The following KLF7 variants were observed in gnomAD, a reference collection of about 807,000 sequenced individuals.
KLF7 encodes the protein Krueppel-like factor 7.
Under a neutral mutation model 27.3 loss-of-function variants are expected in KLF7, and 2 were observed. That is an observed-to-expected ratio of 0.07 (90% CI 0.03 to 0.23). The LOEUF (loss-of-function observed/expected upper bound fraction) is 0.23, where lower values mean the gene tolerates loss of function less well. Ranked by LOEUF, KLF7 falls within the 10% of genes least tolerant of loss-of-function variation. The pLI is 1.00. For synonymous variants in KLF7, 165 were observed against 162.4 expected, an observed-to-expected ratio of 1.02 and a Z score of -0.12; for missense variants, 221 against 394.1, an observed-to-expected ratio of 0.56 and a Z score of 3.72.
rs557692408 is a variant in KLF7, at chr2:207,155,662, G to C, written c.102+9805C>G. Reference sequence around the variant, plus strand: ...GGAGGAGAATGTACAAATTAGGGCTGAACAATCTTGGAAGAAATGAAGTCG... The same window carrying C: ...GGAGGAGAATGTACAAATTAGGGCTCAACAATCTTGGAAGAAATGAAGTCG... On this transcript the variant is annotated intron_variant, in intron 1 of 3. Transcript: ENST00000309446. 2.0e-5 allele frequency among the ~76,000 whole-genome samples: 3 copies of C among 152,296 alleles called. No individual in the cohort carries two copies. The South Asian group carries it at 6.2e-4, about 32-fold the overall frequency.
chr2:207,117,433 C>T (rs1157306129), intron 2 of KLF7, among the ~76,000 whole-genome samples: 1 of 152,208 alleles, frequency 6.6e-6, no homozygotes, highest in Non-Finnish European at 1.5e-5. Flanking sequence ...TCCTATTCAG[C>T]TCTCTCCACC....
intron 2 of KLF7, among the ~76,000 whole-genome samples, chr2:207,113,470 T>C (rs1328913101): frequency 6.6e-6 from 1 of 152,078 alleles, no homozygotes; most frequent in African/African-American, 2.4e-5. Context: ...CATATCTTCC[T>C]CTCCCTTTTC....
intron 1 of KLF7, among the ~76,000 whole-genome samples, chr2:207,129,457 T>C (rs2077567086): frequency 1.3e-5 from 2 of 152,214 alleles, no homozygotes; most frequent in African/African-American, 4.8e-5. Flanking sequence ...TCTATATTGA[T>C]GAGTCACAGA....
intron 1 of KLF7, among the ~76,000 whole-genome samples, chr2:207,125,383 T>A (rs1032387697): frequency 1.3e-5 from 2 of 152,210 alleles, no homozygotes; most frequent in Non-Finnish European, 2.9e-5. Context: ...GAATCTTGTA[T>A]AAAACTATGT....
chr2:207,075,089 T>C lies in KLF7; in HGVS notation c.*6124A>G, dbSNP rs1259262521. On this transcript the variant is annotated 3_prime_UTR_variant, in exon 4 of 4. Coordinates refer to ENST00000309446, the MANE Select transcript of KLF7 (RefSeq NM_003709.4). ...GCTAAGGAGAAATACAGTAAAGTAT[T>C]CCAAGGCCAAACACATTCTACTGTT... The C allele has an allele frequency of 6.6e-6, 1 of 152,192 alleles. No individual in the cohort carries two copies. Among genetic ancestry groups the C allele is most frequent in the African/African-American group, 2.4e-5 (1 of 41,452 alleles). The allele number at this position is 152,192 out of a possible 1,614,324, so 9.4% of individuals were successfully genotyped here.
At chr2:207,166,785 G>T (rs2106164293), upstream of KLF7, 1 of 994,532 alleles carries the variant, frequency 1.0e-6, no homozygotes, top group African/African-American at 1.7e-5. Context: ...GGCATCCAGG[G>T]CCCCTTCCCG....
intron 1 of KLF7, among the ~76,000 whole-genome samples, chr2:207,139,774 CTTGG>C (rs1368690490): frequency 1.3e-5 from 2 of 152,190 alleles, no homozygotes; most frequent in Non-Finnish European, 2.9e-5. Flanking sequence ...CATTGCAAGT[CTTGG>C]TTGAATTGTT....
At chr2:207,140,323 C>G (rs2077905546) in intron 1 of KLF7, among the ~76,000 whole-genome samples, 1 of 152,066 alleles carries the variant, frequency 6.6e-6, no homozygotes, top group Non-Finnish European at 1.5e-5. Flanking sequence ...AACCTGCTAT[C>G]CAACATTTTA....
chr2:207,146,584 G>T (rs1366359958), intron 1 of KLF7, among the ~76,000 whole-genome samples: 1 of 152,024 alleles, frequency 6.6e-6, no homozygotes, highest in Non-Finnish European at 1.5e-5. Flanking sequence ...CTGTTGTCCT[G>T]TGTTTCCCTT....
At chr2:207,140,452 A>G (rs2077909325) in intron 1 of KLF7, among the ~76,000 whole-genome samples, 1 of 152,166 alleles carries the variant, frequency 6.6e-6, no homozygotes, top group African/African-American at 2.4e-5. Context: ...TATATCACCC[A>G]TCCCTTTTGT....
At chr2:207,102,126 TCACACA>T (rs59384224) in intron 2 of KLF7, among the ~76,000 whole-genome samples, 22 of 141,274 alleles carry the variant, frequency 1.6e-4, no homozygotes, top group Admixed American at 5.7e-4. Context: ...ACATTCACAT[TCACACA>T]CACACACACA....
At chr2:207,171,009 G>A (rs984708109), upstream of KLF7, among the ~76,000 whole-genome samples, 1 of 149,924 alleles carries the variant, frequency 6.7e-6, no homozygotes, top group African/African-American at 2.5e-5. Context: ...GATGGATCTG[G>A]GCAAAGTAAA....
chr2:207,094,892 A>T (rs899226865), intron 2 of KLF7, among the ~76,000 whole-genome samples: 1 of 152,116 alleles, frequency 6.6e-6, no homozygotes, highest in African/African-American at 2.4e-5. Flanking sequence ...CATAAATTAA[A>T]ATGTACTCAT....
Position 207,165,573 on chromosome 2 carries a change from C to T in KLF7, c.-5G>A. On this transcript the variant is annotated 5_prime_UTR_variant, in exon 1 of 4. Coordinates refer to ENST00000309446, the MANE Select transcript of KLF7 (RefSeq NM_003709.4). ...ATAACTAGCCAACACGTCCATGCTG[C>T]TGCTGCCGGGCAAAACGGGAGGCGA... 6.2e-7 allele frequency: 1 copy of T among 1,613,404 alleles called. No individual in the cohort carries two copies.
intron 2 of KLF7, among the ~76,000 whole-genome samples, chr2:207,109,439 C>T (rs1574469553): frequency 6.6e-6 from 1 of 152,174 alleles, no homozygotes; most frequent in East Asian, 1.9e-4. Context: ...GTAGGGCAGG[C>T]TCTGTGATGG....
intron 1 of KLF7, among the ~76,000 whole-genome samples, chr2:207,147,271 T>C (rs1200073254): frequency 1.3e-5 from 2 of 152,146 alleles, no homozygotes; most frequent in African/African-American, 4.8e-5. Context: ...CAGGATAACA[T>C]AAGTGGTCCA....
At chr2:207,128,866 A>G (rs1007838649) in intron 1 of KLF7, among the ~76,000 whole-genome samples, 14 of 152,246 alleles carry the variant, frequency 9.2e-5, no homozygotes, top group African/African-American at 3.4e-4. Context: ...GGAGAAGAAT[A>G]AGGAGATATG....
chr2:207,081,896 T>C (rs1248653463), intron 3 of KLF7, among the ~76,000 whole-genome samples: 3 of 151,108 alleles, frequency 2.0e-5, no homozygotes, highest in African/African-American at 7.3e-5. Flanking sequence ...CTCACAGTTA[T>C]TGAGTATGTT....
At chr2:207,169,892 C>T (rs1303710971), upstream of KLF7, among the ~76,000 whole-genome samples, 1 of 152,108 alleles carries the variant, frequency 6.6e-6, no homozygotes, top group Non-Finnish European at 1.5e-5. Context: ...CTCTTCCCCT[C>T]CTCTCCTCAG....
Sources: allele counts gnomAD v4.1 joint callset (sites outside exome capture counted in the v4.1 genomes callset), GRCh38; gene constraint gnomAD v4.1.1; transcripts MANE v1.5; gene names NCBI Gene and HGNC (gene_info 2026-07-23, HGNC 2026-07-21).